STAT3: variants seen among roughly 807,000 people sequenced by gnomAD.
STAT3 encodes the protein signal transducer and activator of transcription 3.
A neutral mutation model predicts 114.3 loss-of-function variants in STAT3; 7 were observed. That is an observed-to-expected ratio of 0.06 (90% CI 0.03 to 0.11). The LOEUF is 0.11. Among genes scored for constraint, STAT3 ranks in the 10% least tolerant of loss-of-function variants. The pLI is 1.00. For missense variants in STAT3, 364 were observed against 960.9 expected (o/e 0.38, Z 8.21); for synonymous variants, 331 against 354.5 (o/e 0.93, Z 0.74).
chr17:42,368,290 T>C lies in STAT3; in HGVS notation c.-23-19751A>G, dbSNP rs1359105171. ...TTCTTAAACTGCAATAATGAGACTT[T>C]AGCACTCTCTTGTCCTCTAAAAGAC... On this transcript the variant is annotated intron_variant, in intron 1 of 23. Coordinates refer to ENST00000264657, the MANE Select transcript of STAT3 (RefSeq NM_139276.3). Among the ~76,000 whole-genome samples the C allele has an allele frequency of 7.9e-5, 12 of 152,238 alleles. 1 individual carries two copies. Among genetic ancestry groups the C allele is most frequent in the African/African-American group, 4.8e-5 (2 of 41,468 alleles).
intron 1 of STAT3, among the ~76,000 whole-genome samples, chr17:42,370,356 C>G (rs2084047103): frequency 6.6e-6 from 1 of 150,804 alleles, no homozygotes; most frequent in South Asian, 2.1e-4. Context: ...AGCGATTCTC[C>G]TGCCTCAGCC....
At chr17:42,369,735 C>CG (rs1356524999) in intron 1 of STAT3, among the ~76,000 whole-genome samples, 1 of 152,076 alleles carries the variant, frequency 6.6e-6, no homozygotes, top group Non-Finnish European at 1.5e-5. Flanking sequence ...ACTATAACCT[C>CG]GAACTATCAA....
chr17:42,329,691 C>A lies in STAT3; in HGVS notation c.1140-44G>T, dbSNP rs1376808702. Reference sequence around the variant, plus strand: ...ATCAACTATGTAGGTGACCAAGTAGCCGGAGGATGAAGTTAGGTTAAACGG... The same window carrying A: ...ATCAACTATGTAGGTGACCAAGTAGACGGAGGATGAAGTTAGGTTAAACGG... On this transcript the variant is annotated intron_variant, in intron 12 of 23. Transcript: ENST00000264657. The A allele has an allele frequency of 1.9e-6, 3 of 1,613,954 alleles. No individual in the cohort carries two copies. The East Asian group carries it at 6.7e-5, about 36-fold the overall frequency.
In STAT3 at chr17:42,314,004, C is replaced by G. The variant is rs530683057; in HGVS notation, c.*1741G>C. Reference sequence around the variant, plus strand: ...CAAGGTGGTTTTGAGTTGCCAAATCCGGCCATGCCTCTGAGTCAGAGGCAG... The same window carrying G: ...CAAGGTGGTTTTGAGTTGCCAAATCGGGCCATGCCTCTGAGTCAGAGGCAG... On this transcript the variant is annotated 3_prime_UTR_variant, in exon 24 of 24. Transcript: ENST00000264657. The G allele has an allele frequency of 8.7e-6, 2 of 230,724 alleles. No individual in the cohort carries two copies. The highest frequency in any genetic ancestry group is 4.4e-5 in the African/African-American group (2 of 45,144). The allele number at this position is 230,724 out of a possible 1,614,324, so 14.3% of individuals were successfully genotyped here.
At chr17:42,375,740 A>G (rs1433093693) in intron 1 of STAT3, among the ~76,000 whole-genome samples, 1 of 151,882 alleles carries the variant, frequency 6.6e-6, no homozygotes. Flanking sequence ...TAGGCAAGAG[A>G]ATCACTTGAA....
chr17:42,340,639 T>A (rs112059591), intron 4 of STAT3, among the ~76,000 whole-genome samples: 17 of 152,174 alleles, frequency 1.1e-4, no homozygotes, highest in Non-Finnish European at 2.2e-4. Context: ...GCCAGTTTTA[T>A]GGGCAACCAT....
intron 1 of STAT3, among the ~76,000 whole-genome samples, chr17:42,357,598 C>T (rs12938463): frequency 2.6e-5 from 4 of 152,018 alleles, no homozygotes; most frequent in African/African-American, 7.2e-5. Context: ...CTTGAACCCG[C>T]GAGGCAGAGG....
intron 1 of STAT3, among the ~76,000 whole-genome samples, chr17:42,376,563 C>T (rs1317524612): frequency 7.1e-6 from 1 of 140,424 alleles, no homozygotes; most frequent in Non-Finnish European, 1.5e-5. Context: ...AAAAAAAAAA[C>T]CGGCCAGGTG....
intron 14 of STAT3, among the ~76,000 whole-genome samples, chr17:42,327,387 T>C (rs1397248279): frequency 1.3e-5 from 2 of 152,234 alleles, no homozygotes; most frequent in East Asian, 3.8e-4. Context: ...TGAATTCTTT[T>C]GGGATTCACT....
chr17:42,332,748 G>A (rs1414783961), intron 10 of STAT3, among the ~76,000 whole-genome samples: 3 of 152,008 alleles, frequency 2.0e-5, no homozygotes, highest in Admixed American at 6.6e-5. Context: ...GCTAAGGCAG[G>A]AGAATCGCTT....
chr17:42,345,959 G>A (rs1194281081), intron 3 of STAT3, among the ~76,000 whole-genome samples: 1 of 147,640 alleles, frequency 6.8e-6, no homozygotes, highest in Non-Finnish European at 1.5e-5. Flanking sequence ...TTGCAGCTTC[G>A]ACCTCCCAGG....
chr17:42,316,934 C>CG lies in STAT3; in HGVS notation c.2145-34dup, dbSNP rs752617805. On this transcript the variant is annotated intron_variant, in intron 22 of 23. Coordinates refer to ENST00000264657, the MANE Select transcript of STAT3 (RefSeq NM_139276.3). ...AAATGGGGGGCAGCAGGAGGGGAAACGGGGGGTTGACAAGACACAATGGAA... is the reference window on the plus strand; with the variant it reads ...AAATGGGGGGCAGCAGGAGGGGAAACGGGGGGGTTGACAAGACACAATGGAA... The CG allele has an allele frequency of 1.8e-5, 28 of 1,589,148 alleles. No individual in the cohort carries two copies. In the South Asian group the frequency reaches 2.9e-4, roughly 16 times the overall value.
chr17:42,354,172 C>CTTTTTT (rs1212253278), intron 1 of STAT3, among the ~76,000 whole-genome samples: 3 of 108,656 alleles, frequency 2.8e-5, no homozygotes, highest in African/African-American at 3.6e-5. Context: ...TAATTGTGTT[C>CTTTTTT]TTTTTTTTTT....
Position 42,313,517 on chromosome 17 carries a change from C to A in STAT3, c.*2228G>T. ...ACCTTATAGGTAGGTAAGCAACCCACGGGATTCCCTCGGCTGGGCTGGGGA... is the reference window on the plus strand; with the variant it reads ...ACCTTATAGGTAGGTAAGCAACCCAAGGGATTCCCTCGGCTGGGCTGGGGA... On this transcript the variant is annotated 3_prime_UTR_variant, in exon 24 of 24. Transcript: ENST00000264657. 4.3e-6 allele frequency: 1 copy of A among 230,622 alleles called. No homozygotes were observed. The allele number at this position is 230,622 out of a possible 1,614,324, so 14.3% of individuals were successfully genotyped here. A position where few individuals can be genotyped will look rare whatever the true frequency, so the allele number is the denominator to read the frequency against.
intron 1 of STAT3, among the ~76,000 whole-genome samples, chr17:42,350,565 G>A (rs1381629866): frequency 6.6e-6 from 1 of 152,124 alleles, no homozygotes; most frequent in Non-Finnish European, 1.5e-5. Context: ...GGGATTACAG[G>A]CGTAAGCTAC....
At chr17:42,339,511 T>A in intron 4 of STAT3, 102 bp from the exon 5 acceptor site, 1 of 1,146,154 alleles carries the variant, frequency 8.7e-7, no homozygotes, top group Non-Finnish European at 1.3e-6. Flanking sequence ...CTTGTTTGGC[T>A]TGAGACGCTG....
Position 42,333,584 on chromosome 17 carries a change from A to G in STAT3, c.1049+89T>C. On this transcript the variant is annotated intron_variant, in intron 10 of 23. Transcript: ENST00000264657. This position sits in a 1 kb window ranked among gnomAD's most constrained non-coding sequence, Gnocchi z 5.2. ...GTACTGCCTGTGACACCACACCTGGAAAGAATGACCCTGGCCACCAACTCT... is the reference window on the plus strand; with the variant it reads ...GTACTGCCTGTGACACCACACCTGGGAAGAATGACCCTGGCCACCAACTCT... 6.8e-7 allele frequency: 1 copy of G among 1,462,630 alleles called. No homozygotes were observed. The highest frequency in any genetic ancestry group is 2.0e-4 in the Middle Eastern group (1 of 5,118). 90.6% of individuals were successfully genotyped at this position (1,462,630 alleles called of 1,614,324 possible). A position where few individuals can be genotyped will look rare whatever the true frequency, so the allele number is the denominator to read the frequency against.
chr17:42,348,341 C>T (rs748986674), intron 2 of STAT3, 48 bp downstream of exon 2: 2 of 1,612,914 alleles, frequency 1.2e-6, no homozygotes, highest in Admixed American at 3.3e-5. Flanking sequence ...TGTCTCTTGA[C>T]TCAAACTGAA....
chr17:42,315,480 A>AC lies in STAT3; in HGVS notation c.*264dup, dbSNP rs554015274. ...ACATTTCCTTTTTCTCCCTCTAGCC[A>AC]CCCCCCGCCACATCCCCTGATCATG... On this transcript the variant is annotated 3_prime_UTR_variant, in exon 24 of 24. Coordinates refer to ENST00000264657, the MANE Select transcript of STAT3 (RefSeq NM_139276.3). The AC allele has an allele frequency of 1.3e-3, 769 of 581,492 alleles. No individual in the cohort carries two copies. Among genetic ancestry groups the AC allele is most frequent in the Admixed American group, 3.1e-3 (105 of 33,368 alleles). The allele number at this position is 581,492 out of a possible 1,614,324, so 36.0% of individuals were successfully genotyped here. A position where few individuals can be genotyped will look rare whatever the true frequency, so the allele number is the denominator to read the frequency against.
Sources: allele counts gnomAD v4.1 joint callset (sites outside exome capture counted in the v4.1 genomes callset), GRCh38; gene constraint gnomAD v4.1.1; non-coding constraint Gnocchi (gnomAD v3.1); transcripts MANE v1.5; gene names NCBI Gene and HGNC (gene_info 2026-07-23, HGNC 2026-07-21).